PTPRG: variants seen among roughly 807,000 people sequenced by gnomAD.
The protein encoded by PTPRG is protein tyrosine phosphatase receptor type G, also known as receptor-type tyrosine-protein phosphatase gamma.
Under a neutral mutation model 165.3 loss-of-function variants are expected in PTPRG, and 102 were observed. The ratio of observed to expected loss-of-function variants is 0.62; its 90% confidence interval spans 0.53 to 0.73. The LOEUF is 0.73. Ranked by LOEUF, PTPRG falls within the 30% of genes least tolerant of loss-of-function variation. The pLI is 0.00. For synonymous variants in PTPRG, 675 were observed against 669.5 expected, an observed-to-expected ratio of 1.01 and a Z score of -0.13; for missense variants, 1,866 against 1,861.4, an observed-to-expected ratio of 1.00 and a Z score of -0.05.
intron 1 of PTPRG, among the ~76,000 whole-genome samples, chr3:61,604,561 C>T (rs935545125): frequency 1.3e-5 from 2 of 152,152 alleles, no homozygotes; most frequent in Admixed American, 1.3e-4. Context: ...TCTCCTTTAA[C>T]CCTCTCAACC....
At chr3:61,726,674 AT>A (rs1422843381) in intron 1 of PTPRG, among the ~76,000 whole-genome samples, 1 of 152,030 alleles carries the variant, frequency 6.6e-6, no homozygotes, top group Non-Finnish European at 1.5e-5. Flanking sequence ...TTATTATTGT[AT>A]TTTTGCATCC....
intron 5 of PTPRG, among the ~76,000 whole-genome samples, chr3:62,105,637 G>T (rs7612781): frequency 0.11 from 16,761 of 152,236 alleles, 974 homozygotes; most frequent in Middle Eastern, 0.13. Context: ...GCCTCTGGGT[G>T]CGTAAGAAAT....
intron 13 of PTPRG, among the ~76,000 whole-genome samples, chr3:62,230,190 T>G (rs1700862169): frequency 6.6e-6 from 1 of 152,214 alleles, no homozygotes; most frequent in Non-Finnish European, 1.5e-5. Context: ...CCAAGCACTT[T>G]TACCCAATAT....
At chr3:62,093,488 G>A (rs757072649) in intron 5 of PTPRG, among the ~76,000 whole-genome samples, 1 of 152,204 alleles carries the variant, frequency 6.6e-6, no homozygotes, top group Non-Finnish European at 1.5e-5. Flanking sequence ...ACAGGTGGAG[G>A]GGAGCGTGGT....
At chr3:62,275,121 C>T (rs1165869127) in intron 23 of PTPRG, among the ~76,000 whole-genome samples, 1 of 152,010 alleles carries the variant, frequency 6.6e-6, no homozygotes, top group Admixed American at 6.6e-5. Flanking sequence ...TGCCAGCCCC[C>T]AAAAAATAGG....
intron 2 of PTPRG, among the ~76,000 whole-genome samples, chr3:61,768,746 GA>G (rs1031818756): frequency 1.1e-4 from 17 of 152,170 alleles, no homozygotes; most frequent in Non-Finnish European, 4.4e-5. Flanking sequence ...GAAAGTGAGG[GA>G]AAGAGGAAAA....
chr3:61,592,009 T>C (rs1478036065), intron 1 of PTPRG, among the ~76,000 whole-genome samples: 1 of 151,788 alleles, frequency 6.6e-6, no homozygotes, highest in Non-Finnish European at 1.5e-5. Context: ...GTTTCACTCT[T>C]GTTGCCCAGG....
At chr3:62,058,014 G>C (rs1175627030) in intron 4 of PTPRG, among the ~76,000 whole-genome samples, 1 of 152,136 alleles carries the variant, frequency 6.6e-6, no homozygotes, top group East Asian at 1.9e-4. Context: ...CCAGAACTTG[G>C]GGCTACAGAT....
At chr3:61,733,178 G>T (rs989828294) in intron 1 of PTPRG, among the ~76,000 whole-genome samples, 3 of 152,156 alleles carry the variant, frequency 2.0e-5, no homozygotes, top group Non-Finnish European at 2.9e-5. Flanking sequence ...CAGGTCAAAG[G>T]TCACTTTGTA....
chr3:61,861,007 C>A (rs1255892660), intron 2 of PTPRG, among the ~76,000 whole-genome samples: 2 of 151,812 alleles, frequency 1.3e-5, no homozygotes, highest in Admixed American at 1.3e-4. Context: ...ATTTATCCTG[C>A]ATTTCTAAAA....
rs2037171865 is a variant in PTPRG at position 61,858,351 on chromosome 3, C to A, written c.190+109369C>A. 2.0e-5 allele frequency among the ~76,000 whole-genome samples: 3 copies of A among 152,148 alleles called. No individual in the cohort carries two copies. The South Asian group carries it at 6.2e-4, about 32-fold the overall frequency. On this transcript the variant is annotated intron_variant, in intron 2 of 29. Coordinates refer to ENST00000474889, the MANE Select transcript of PTPRG (RefSeq NM_002841.4). The stretch of plus-strand genomic sequence containing the variant: ...CGTTTTTTATTAACAGTATTCCCAA[C>A]TTCTTCATTTTATTTCTCTTAAAAA...
rs988432453 is a variant in PTPRG, at chr3:62,217,242, T to C, written c.2156-1609T>C. ...GCACTTTATAAATGGCAAAGTGCTC[T>C]GTGGAGGTTTTTAATCAGAGTGTGC... On this transcript the variant is annotated intron_variant, in intron 12 of 29. Coordinates refer to ENST00000474889, the MANE Select transcript of PTPRG (RefSeq NM_002841.4). This position sits in a 1 kb window ranked among gnomAD's most constrained non-coding sequence, Gnocchi z 4.3. Among the ~76,000 whole-genome samples, 5 of 152,208 alleles carry C rather than the reference T, an allele frequency of 3.3e-5. No individual in the cohort carries two copies. The highest frequency in any genetic ancestry group is 6.5e-5 in the Admixed American group (1 of 15,286).
Position 62,213,971 on chromosome 3 carries a change from A to C in PTPRG, c.2156-4880A>C, listed in dbSNP as rs966590985. On this transcript the variant is annotated intron_variant, in intron 12 of 29. Coordinates refer to ENST00000474889, the MANE Select transcript of PTPRG (RefSeq NM_002841.4). This position sits in a 1 kb window ranked among gnomAD's most constrained non-coding sequence, Gnocchi z 4.4. ...CACTTTGAGTGGGGGCTGAGGCAGG[A>C]GGATCCCTTGAGCCCAGAAGTTCGA... Among the ~76,000 whole-genome samples, 2 of 152,088 alleles carry C rather than the reference A, an allele frequency of 1.3e-5. No individual in the cohort carries two copies. The highest frequency in any genetic ancestry group is 4.8e-5 in the African/African-American group (2 of 41,408).
chr3:61,839,820 C>G (rs867493781), intron 2 of PTPRG, among the ~76,000 whole-genome samples: 1 of 152,162 alleles, frequency 6.6e-6, no homozygotes, highest in Non-Finnish European at 1.5e-5. Flanking sequence ...CACCTCTCAA[C>G]TCTCACCCCC....
At chr3:61,645,806 G>A (rs1702185490) in intron 1 of PTPRG, among the ~76,000 whole-genome samples, 1 of 152,206 alleles carries the variant, frequency 6.6e-6, no homozygotes, top group Non-Finnish European at 1.5e-5. Context: ...TACAATAACA[G>A]GCAGTTGCCT....
At chr3:61,846,034 G>A (rs1418546667) in intron 2 of PTPRG, among the ~76,000 whole-genome samples, 2 of 152,130 alleles carry the variant, frequency 1.3e-5, no homozygotes, top group Non-Finnish European at 2.9e-5. Context: ...CTGTCACCTT[G>A]AGCAAAGTGC....
At chr3:61,904,029 T>C (rs377655278) in intron 2 of PTPRG, among the ~76,000 whole-genome samples, 3 of 152,162 alleles carry the variant, frequency 2.0e-5, no homozygotes, top group East Asian at 3.9e-4. Context: ...GTAAATAGTC[T>C]CTTTCACATC....
intron 2 of PTPRG, among the ~76,000 whole-genome samples, chr3:61,911,696 T>C (rs1258856642): frequency 6.6e-6 from 1 of 152,184 alleles, no homozygotes; most frequent in Non-Finnish European, 1.5e-5. Context: ...TATAATGAAA[T>C]GTAATATTTC....
intron 4 of PTPRG, among the ~76,000 whole-genome samples, chr3:62,037,348 A>G (rs1235285058): frequency 6.6e-6 from 1 of 152,116 alleles, no homozygotes; most frequent in African/African-American, 2.4e-5. Flanking sequence ...GATGTCTCCA[A>G]TCCTCATTTC....
Sources: gnomAD v4.1 joint callset for allele counts (sites outside exome capture counted in the v4.1 genomes callset) on GRCh38, gnomAD v4.1.1 for gene constraint, Gnocchi (gnomAD v3.1) non-coding constraint, MANE v1.5 for transcripts, NCBI Gene and HGNC (gene_info 2026-07-23, HGNC 2026-07-21) for gene names.